Variants in THSD7B observed in about 807,000 individuals in gnomAD.
THSD7B encodes the protein thrombospondin type-1 domain-containing protein 7B.
In THSD7B, 138 loss-of-function variants were observed where a neutral mutation model predicts 213.6. The observed-to-expected ratio is 0.65, with a 90% confidence interval of 0.56 to 0.74. The LOEUF is 0.74. THSD7B is among the 30% of genes least tolerant of loss of function. The pLI, the probability that THSD7B is intolerant of heterozygous loss-of-function variation, is 0.00. For synonymous variants in THSD7B, 742 were observed against 687.0 expected (o/e 1.08, Z -1.25); for missense variants, 1,931 against 1,991.5 (o/e 0.97, Z 0.58).
intron 12 of THSD7B, among the ~76,000 whole-genome samples, chr2:137,371,229 C>T (rs572405418): frequency 1.2e-3 from 186 of 152,268 alleles, no homozygotes; most frequent in African/African-American, 4.4e-3. Context: ...CCTTGGTCTT[C>T]TCTCTTAGAG....
At chr2:137,661,535 G>A (rs1287228281) in intron 25 of THSD7B, among the ~76,000 whole-genome samples, 2 of 151,922 alleles carry the variant, frequency 1.3e-5, no homozygotes, top group African/African-American at 2.4e-5. Context: ...ATCCATACAG[G>A]TCTGCGGCAA....
At chr2:137,511,769 T>C (rs978248298) in intron 15 of THSD7B, among the ~76,000 whole-genome samples, 1 of 152,244 alleles carries the variant, frequency 6.6e-6, no homozygotes, top group Non-Finnish European at 1.5e-5. Flanking sequence ...TTTACCTGGA[T>C]CATTACTGTG....
chr2:137,585,862 G>T (rs150955862), intron 17 of THSD7B, among the ~76,000 whole-genome samples: 20,330 of 152,116 alleles, frequency 0.13, 1,508 homozygotes, highest in Non-Finnish European at 0.16. Flanking sequence ...GGTCCGCTTG[G>T]TGCAGAGCTG....
intron 10 of THSD7B, among the ~76,000 whole-genome samples, chr2:137,259,806 A>G (rs1411588201): frequency 6.6e-6 from 1 of 152,198 alleles, no homozygotes; most frequent in Non-Finnish European, 1.5e-5. Flanking sequence ...GTTTGGTTGT[A>G]GCTTCAATTT....
intron 2 of THSD7B, among the ~76,000 whole-genome samples, chr2:136,932,510 GATAAC>G (rs1366305801): frequency 2.0e-5 from 3 of 152,042 alleles, no homozygotes; most frequent in African/African-American, 7.2e-5. Context: ...AAGCTCTACT[GATAAC>G]ATAAACAGTT....
chr2:136,791,133 G>A (rs1356028626), intron 1 of THSD7B, among the ~76,000 whole-genome samples: 2 of 151,698 alleles, frequency 1.3e-5, no homozygotes, highest in Non-Finnish European at 2.9e-5. Context: ...AAGAAAGAGG[G>A]AATAATTAAG....
intron 2 of THSD7B, among the ~76,000 whole-genome samples, chr2:137,032,084 A>G (rs533859958): frequency 6.6e-6 from 1 of 151,958 alleles, no homozygotes; most frequent in South Asian, 2.1e-4. Flanking sequence ...CAAGAGATCC[A>G]CCTACCTCGG....
intron 5 of THSD7B, among the ~76,000 whole-genome samples, chr2:137,150,002 G>A (rs1440752678): frequency 6.6e-6 from 1 of 152,150 alleles, no homozygotes; most frequent in African/African-American, 2.4e-5. Context: ...AGCAGTTTGG[G>A]AGGCCGAGGC....
At chr2:136,844,053 C>G (rs948369968) in intron 1 of THSD7B, among the ~76,000 whole-genome samples, 1 of 152,238 alleles carries the variant, frequency 6.6e-6, no homozygotes, top group Middle Eastern at 3.4e-3. Context: ...GTTCTTCCAA[C>G]CCCCTTTAGG....
Position 137,170,873 on chromosome 2 carries a change from T to G in THSD7B, c.1658T>G (p.Phe553Cys), listed in dbSNP as rs758586838. 2.5e-6 allele frequency: 4 copies of G among 1,613,578 alleles called. No homozygotes were observed. The highest frequency in any genetic ancestry group is 2.5e-6 in the Non-Finnish European group (3 of 1,179,778). The change falls in exon 7 of 28, where the codon TTC (phenylalanine) becomes TGC (cysteine). Residue 553 changes from phenylalanine (F) to cysteine (C), a missense_variant. Transcript: ENST00000409968. ...TGGCTGGCATCAGAAGGGATCTGTT[T>G]CCCTGATCATGGAAAATGTGGCCTG... is the stretch of plus-strand genomic sequence containing the variant. ...YRWLASEGICFPDHGKCGLGH... is the reference protein window; with the variant it reads ...YRWLASEGICCPDHGKCGLGH...
chr2:136,980,743 G>A (rs1685562416), intron 2 of THSD7B, among the ~76,000 whole-genome samples: 1 of 152,188 alleles, frequency 6.6e-6, no homozygotes, highest in Admixed American at 6.5e-5. Context: ...GGGAACCAAG[G>A]CCCTGGTGGT....
At chr2:137,197,818 T>C (rs933574227) in intron 7 of THSD7B, among the ~76,000 whole-genome samples, 1 of 152,182 alleles carries the variant, frequency 6.6e-6, no homozygotes, top group African/African-American at 2.4e-5. Flanking sequence ...TGAAGCATGA[T>C]TCCCTTAAGA....
chr2:137,599,866 T>C (rs902867352), intron 17 of THSD7B, among the ~76,000 whole-genome samples: 1 of 152,204 alleles, frequency 6.6e-6, no homozygotes, highest in African/African-American at 2.4e-5. Flanking sequence ...GACTTTCCAC[T>C]GCACACGGTT....
intron 5 of THSD7B, among the ~76,000 whole-genome samples, chr2:137,143,013 G>A (rs10183569): frequency 0.77 from 117,529 of 152,044 alleles, 45,833 homozygotes; most frequent in African/African-American, 0.82. Flanking sequence ...AAGATAAAAA[G>A]TCTAGCATCC....
At chr2:137,143,599 T>A (rs1679635380) in intron 5 of THSD7B, among the ~76,000 whole-genome samples, 1 of 152,154 alleles carries the variant, frequency 6.6e-6, no homozygotes, top group Non-Finnish European at 1.5e-5. Flanking sequence ...GCTAAGAGGT[T>A]ACAAAAGGTA....
intron 1 of THSD7B, among the ~76,000 whole-genome samples, chr2:136,773,337 C>A (rs1056119547): frequency 6.6e-6 from 1 of 152,008 alleles, no homozygotes; most frequent in African/African-American, 2.4e-5. Context: ...GAGTGATTTG[C>A]GCCAAGTCGG....
chr2:137,647,901 T>C (rs1476781895), intron 21 of THSD7B, among the ~76,000 whole-genome samples: 1 of 152,134 alleles, frequency 6.6e-6, no homozygotes, highest in Non-Finnish European at 1.5e-5. Context: ...TCTACTCTAG[T>C]CATACTGGGA....
rs749340285 is a variant in THSD7B at position 137,287,419 on chromosome 2, A to G, written c.2500+11393A>G. On this transcript the variant is annotated intron_variant, in intron 12 of 27. Coordinates refer to ENST00000409968, the MANE Select transcript of THSD7B (RefSeq NM_001316349.2). ...GCGTTGGATTCAGAACAAAGATTGC[A>G]TTTTAATCTACGTGAATAATGATTC... is the stretch of plus-strand genomic sequence containing the variant. 2.4e-4 allele frequency among the ~76,000 whole-genome samples: 37 copies of G among 152,132 alleles called. 1 individual carries two copies. Among genetic ancestry groups the G allele is most frequent in the Non-Finnish European group, 1.5e-4 (10 of 68,036 alleles).
chr2:137,380,745 A>G (rs1685756299), intron 12 of THSD7B, among the ~76,000 whole-genome samples: 1 of 152,356 alleles, frequency 6.6e-6, no homozygotes, highest in Non-Finnish European at 1.5e-5. Flanking sequence ...GGTCAAGAAT[A>G]AGCCAAGGCA....
Sources: gnomAD v4.1 joint callset for allele counts (sites outside exome capture counted in the v4.1 genomes callset) on GRCh38, gnomAD v4.1.1 for gene constraint, MANE v1.5 for transcripts, NCBI Gene and HGNC (gene_info 2026-07-23, HGNC 2026-07-21) for gene names.